DGKB: variants seen among roughly 807,000 people sequenced by gnomAD.
The protein encoded by DGKB is diacylglycerol kinase beta.
DGKB carries 67 observed loss-of-function variants against 114.3 expected under a neutral mutation model. That is an observed-to-expected ratio of 0.59 (90% CI 0.48 to 0.72). DGKB has a LOEUF of 0.72. Ranked by LOEUF, DGKB falls within the 30% of genes least tolerant of loss-of-function variation. The pLI is 0.00. For missense variants in DGKB, 907 were observed against 975.2 expected (o/e 0.93, Z 0.93); for synonymous variants, 398 against 323.1 (o/e 1.23, Z -2.49).
At chr7:14,597,899 A>C (rs1802869251) in intron 17 of DGKB, among the ~76,000 whole-genome samples, 1 of 152,210 alleles carries the variant, frequency 6.6e-6, no homozygotes, top group South Asian at 2.1e-4. Context: ...GAATATTAAA[A>C]TTTCTTGGGA....
chr7:14,682,602 T>G lies in DGKB; in HGVS notation c.986A>C (p.Lys329Thr). 1 of 1,613,604 alleles carries G rather than the reference T, an allele frequency of 6.2e-7. No homozygotes were observed. Among genetic ancestry groups the G allele is most frequent in the Non-Finnish European group, 8.5e-7 (1 of 1,179,626 alleles). Residue 329 changes from lysine (K) to threonine (T), a missense_variant, in exon 12 of 26, where the codon AAA becomes ACA. Lys to Thr is a moderately conservative substitution (Grantham distance 78). Around this residue, in one of 3 missense-constraint regions of DGKB, gnomAD observed 814 missense variants for 856.6 expected, o/e 0.95. Coordinates refer to ENST00000402815, the MANE Select transcript of DGKB (RefSeq NM_001350709.2). The part of the protein sequence containing the change: ...TKCDKCHKTV[K>T]CYQGLTGLHC... ...CAGTCCTGTCAGGCCCTGGTAACAT[T>G]TAACAGTTTTGTGGCACTTATCACA...
intron 5 of DGKB, among the ~76,000 whole-genome samples, chr7:14,723,357 T>C (rs1217825469): frequency 2.0e-5 from 3 of 151,760 alleles, no homozygotes; most frequent in Non-Finnish European, 2.9e-5. Flanking sequence ...AAATTCTCTC[T>C]TTACAACTAA....
chr7:14,493,478 T>C (rs999308456), intron 20 of DGKB, among the ~76,000 whole-genome samples: 8 of 152,162 alleles, frequency 5.3e-5, no homozygotes, highest in Middle Eastern at 3.4e-3. Flanking sequence ...TCTCCCAAAA[T>C]ATTTTCTTGT....
chr7:14,649,667 G>A (rs949873830), intron 13 of DGKB, among the ~76,000 whole-genome samples: 17 of 147,092 alleles, frequency 1.2e-4, no homozygotes, highest in African/African-American at 4.3e-4. Flanking sequence ...AATGTAAATG[G>A]ACAAAATGCT....
chr7:14,732,539 A>T (rs1217498985), intron 5 of DGKB, among the ~76,000 whole-genome samples: 1 of 152,062 alleles, frequency 6.6e-6, no homozygotes, highest in Middle Eastern at 3.2e-3. Flanking sequence ...AAAAAAAAAA[A>T]TAACTATCAA....
At chr7:14,858,864 C>T (rs911505340) in intron 1 of DGKB, among the ~76,000 whole-genome samples, 1 of 152,194 alleles carries the variant, frequency 6.6e-6, no homozygotes, top group Non-Finnish European at 1.5e-5. Flanking sequence ...GTGCATGTCA[C>T]TGTCATAGGT....
At chr7:14,170,158 A>AAAGAAAGAAAG (rs1780727100) in intron 25 of DGKB, among the ~76,000 whole-genome samples, 1 of 74,214 alleles carries the variant, frequency 1.3e-5, no homozygotes, top group African/African-American at 9.5e-5. Context: ...AGAAAGAAAG[A>AAAGAAAGAAAG]AAGAAAGAAA....
Position 14,685,229 on chromosome 7 carries a change from G to A in DGKB, c.829+16C>T. ...CACTTGAGGAGATGATGTCCAGGCA[G>A]AGCAAATGTACTCACAGGAACAGCA... On this transcript the variant is annotated intron_variant, in intron 10 of 25. Coordinates refer to ENST00000402815, the MANE Select transcript of DGKB (RefSeq NM_001350709.2). The A allele has an allele frequency of 1.3e-6, 2 of 1,565,256 alleles. No individual in the cohort carries two copies. The highest frequency in any genetic ancestry group is 8.8e-7 in the Non-Finnish European group (1 of 1,135,616).
intron 1 of DGKB, among the ~76,000 whole-genome samples, chr7:14,961,436 G>A (rs1472934934): frequency 6.6e-6 from 1 of 152,116 alleles, no homozygotes; most frequent in African/African-American, 2.4e-5. Context: ...TTAGTAAGTT[G>A]ATTAAAGTGC....
intron 23 of DGKB, among the ~76,000 whole-genome samples, chr7:14,290,915 G>A (rs1313072992): frequency 2.0e-5 from 3 of 152,000 alleles, no homozygotes; most frequent in Non-Finnish European, 4.4e-5. Flanking sequence ...GTTGAGGTGG[G>A]TGTATCACCT....
chr7:14,384,477 T>C (rs976832844), intron 21 of DGKB, among the ~76,000 whole-genome samples: 40 of 152,196 alleles, frequency 2.6e-4, no homozygotes, highest in African/African-American at 9.6e-4. Flanking sequence ...CCCAATGTGT[T>C]TACTATCTGG....
chr7:14,769,228 G>GAGAGAGAA lies in DGKB; in HGVS notation c.71-11498_71-11497insTTCTCTCT, dbSNP rs1554265921. 2.7e-4 allele frequency among the ~76,000 whole-genome samples: 32 copies of GAGAGAGAA among 119,684 alleles called. 1 individual carries two copies. The South Asian group carries it at 3.2e-3, about 12-fold the overall frequency. The allele number at this position is 119,684 out of a possible 152,430, so 78.5% of individuals were successfully genotyped here. A position where few individuals can be genotyped will look rare whatever the true frequency, so the allele number is the denominator to read the frequency against. ...GAAAGGAAAGAAAGAGAAAGAGAGA[G>GAGAGAGAA]AGAAAGAAAGAAAGAAAGAAAGAAA... On this transcript the variant is annotated intron_variant, in intron 2 of 25. Coordinates refer to ENST00000402815, the MANE Select transcript of DGKB (RefSeq NM_001350709.2).
At chr7:14,631,763 C>A (rs537879605) in intron 13 of DGKB, among the ~76,000 whole-genome samples, 1 of 152,150 alleles carries the variant, frequency 6.6e-6, no homozygotes, top group Non-Finnish European at 1.5e-5. Context: ...TATTATCATT[C>A]TTTCTTAGCT....
At chr7:14,446,539 T>C (rs1272270719) in intron 21 of DGKB, among the ~76,000 whole-genome samples, 1 of 152,090 alleles carries the variant, frequency 6.6e-6, no homozygotes, top group African/African-American at 2.4e-5. Flanking sequence ...TAAAAAACAA[T>C]TCAACTAAAC....
chr7:14,217,919 T>C (rs2128318166), intron 23 of DGKB, among the ~76,000 whole-genome samples: 1 of 152,256 alleles, frequency 6.6e-6, no homozygotes, highest in South Asian at 2.1e-4. Flanking sequence ...CATGGTCCTG[T>C]CCATACTTTT....
At chr7:14,308,332 A>G (rs1804822305) in intron 23 of DGKB, among the ~76,000 whole-genome samples, 1 of 152,056 alleles carries the variant, frequency 6.6e-6, no homozygotes, top group African/African-American at 2.4e-5. Context: ...TTTGTATATA[A>G]TTTGTTTTCT....
intron 23 of DGKB, among the ~76,000 whole-genome samples, chr7:14,240,923 A>G (rs6943375): frequency 0.61 from 92,043 of 151,960 alleles, 29,217 homozygotes; most frequent in African/African-American, 0.79. Context: ...TTAGGTAATC[A>G]CTAAGCCTTT....
At chr7:14,733,099 A>C (rs990966552) in intron 5 of DGKB, among the ~76,000 whole-genome samples, 6 of 152,212 alleles carry the variant, frequency 3.9e-5, no homozygotes, top group African/African-American at 1.2e-4. Context: ...TTTAATTTCT[A>C]GAATCATTTT....
In DGKB at chr7:14,176,917, AT is replaced by A. The variant is rs1286970738; in HGVS notation, c.2244-19del. Reference sequence around the variant, plus strand: ...TGCTCGTCCTGGGGGAAAATATTTCATTGTAAGTATTGCAAGGAAATACTTT... The same window carrying A: ...TGCTCGTCCTGGGGGAAAATATTTCATGTAAGTATTGCAAGGAAATACTTT... On this transcript the variant is annotated intron_variant, in intron 24 of 25. Coordinates refer to ENST00000402815, the MANE Select transcript of DGKB (RefSeq NM_001350709.2). The A allele has an allele frequency of 2.5e-6, 4 of 1,612,452 alleles. No individual in the cohort carries two copies. The African/African-American group carries it at 5.3e-5, about 22-fold the overall frequency.
Sources: allele counts gnomAD v4.1 joint callset (sites outside exome capture counted in the v4.1 genomes callset), GRCh38; gene constraint gnomAD v4.1.1; regional missense constraint gnomAD v4.1.1; transcripts MANE v1.5; gene names NCBI Gene and HGNC (gene_info 2026-07-23, HGNC 2026-07-21).